Variants in TTLL11 observed in about 807,000 individuals in gnomAD.
TTLL11 encodes tubulin tyrosine ligase like 11.
A neutral mutation model predicts 51.7 loss-of-function variants in TTLL11; 42 were observed. The observed-to-expected ratio is 0.81, with a 90% confidence interval of 0.64 to 1.05. The LOEUF (loss-of-function observed/expected upper bound fraction) is 1.05, where lower values mean the gene tolerates loss of function less well. TTLL11 is among the 50% of genes least tolerant of loss of function. TTLL11 has a pLI of 0.00. For synonymous variants in TTLL11, 381 were observed against 383.5 expected (o/e 0.99, Z 0.08); for missense variants, 799 against 940.4 (o/e 0.85, Z 1.97).
rs1467289553 is a variant in TTLL11, at chr9:121,822,613, A to G, written c.2107T>C (p.Ser703Pro). The G allele has an allele frequency of 6.8e-7, 1 of 1,478,066 alleles. No individual in the cohort carries two copies. Among genetic ancestry groups the G allele is most frequent in the South Asian group, 1.4e-5 (1 of 71,398 alleles). The allele number at this position is 1,478,066 out of a possible 1,614,324, so 91.6% of individuals were successfully genotyped here. ...CAGGACAGGGTATGTCTGGGATGGG[A>G]GAGCTTATTGGCACAGCTGGTGCGG... is the stretch of plus-strand genomic sequence containing the variant. ...PPRTSCANKL[S>P]HPRHTLS The change falls in exon 9 of 9, where the codon TCC becomes CCC. Residue 703 changes from serine (S) to proline (P), a missense_variant. Coordinates refer to ENST00000321582, the MANE Select transcript of TTLL11 (RefSeq NM_001139442.2). This position sits in a 1 kb window ranked among gnomAD's most constrained non-coding sequence, Gnocchi z 5.8.
chr9:121,878,022 T>G (rs541312514), intron 6 of TTLL11, among the ~76,000 whole-genome samples: 1 of 152,328 alleles, frequency 6.6e-6, no homozygotes, highest in Non-Finnish European at 1.5e-5. Context: ...AAAAGTGAGC[T>G]TCAGAGAGGT....
intron 6 of TTLL11, among the ~76,000 whole-genome samples, chr9:121,892,318 C>A (rs1839274703): frequency 6.6e-6 from 1 of 151,876 alleles, no homozygotes; most frequent in African/African-American, 2.4e-5. Flanking sequence ...CTGATAAAGG[C>A]ATACCTAAGA....
At chr9:121,825,612 G>A (rs1836728649) in intron 8 of TTLL11, among the ~76,000 whole-genome samples, 1 of 152,166 alleles carries the variant, frequency 6.6e-6, no homozygotes, top group Admixed American at 6.5e-5. Flanking sequence ...GCCCTTCCCA[G>A]CTGTAATGCA....
At chr9:121,986,567 C>G (rs1271628826) in intron 4 of TTLL11, among the ~76,000 whole-genome samples, 1 of 152,144 alleles carries the variant, frequency 6.6e-6, no homozygotes, top group East Asian at 1.9e-4. Flanking sequence ...AGCTGTGCAT[C>G]CTCCCTGGGA....
chr9:121,828,644 C>T (rs970877549), intron 8 of TTLL11, among the ~76,000 whole-genome samples: 4 of 152,162 alleles, frequency 2.6e-5, no homozygotes, highest in African/African-American at 4.8e-5. Context: ...TACATTTGCT[C>T]ACTATTGTTG....
intron 6 of TTLL11, among the ~76,000 whole-genome samples, chr9:121,899,347 GTGTGTGTA>G (rs1839659088): frequency 1.0e-5 from 1 of 98,224 alleles, no homozygotes; most frequent in South Asian, 4.4e-4. Context: ...CACTCTGTGT[GTGTGTGTA>G]TGTGTGTGTG....
chr9:121,869,916 A>G (rs954229546), intron 7 of TTLL11, among the ~76,000 whole-genome samples: 3 of 152,256 alleles, frequency 2.0e-5, no homozygotes, highest in Non-Finnish European at 4.4e-5. Flanking sequence ...CCAAGCGGCA[A>G]CTGCTAACTT....
chr9:122,091,097 G>C (rs1198859103), intron 1 of TTLL11, among the ~76,000 whole-genome samples: 1 of 152,136 alleles, frequency 6.6e-6, no homozygotes, highest in Non-Finnish European at 1.5e-5. Flanking sequence ...GAACGAACCT[G>C]GGCTGGGATG....
At chr9:121,838,340 C>T (rs1837239500) in intron 8 of TTLL11, among the ~76,000 whole-genome samples, 1 of 152,114 alleles carries the variant, frequency 6.6e-6, no homozygotes, top group Non-Finnish European at 1.5e-5. Context: ...AGCTGTCGTC[C>T]CTTGAAGCCC....
At chr9:121,826,193 T>C (rs1452952738) in intron 8 of TTLL11, among the ~76,000 whole-genome samples, 4 of 103,540 alleles carry the variant, frequency 3.9e-5, no homozygotes, top group African/African-American at 1.8e-4. Flanking sequence ...CCTATATATA[T>C]ATATATATAT....
At chr9:121,955,023 C>T (rs1029291249) in intron 6 of TTLL11, among the ~76,000 whole-genome samples, 3 of 152,156 alleles carry the variant, frequency 2.0e-5, no homozygotes, top group African/African-American at 7.2e-5. Flanking sequence ...CCCAAGACCT[C>T]GACTCCCAGC....
At chr9:121,843,205 C>T (rs1293295048) in intron 8 of TTLL11, among the ~76,000 whole-genome samples, 1 of 151,922 alleles carries the variant, frequency 6.6e-6, no homozygotes, top group Non-Finnish European at 1.5e-5. Context: ...GTAGTCACTC[C>T]CATCTTTACA....
chr9:121,904,411 G>A (rs759443734), intron 6 of TTLL11, among the ~76,000 whole-genome samples: 3 of 152,164 alleles, frequency 2.0e-5, no homozygotes, highest in Non-Finnish European at 4.4e-5. Context: ...TCTTGACCTC[G>A]TGATCTGCCC....
chr9:122,015,812 A>C lies in TTLL11; in HGVS notation c.693+15911T>G, dbSNP rs576285030. Among the ~76,000 whole-genome samples the C allele has an allele frequency of 5.1e-4, 77 of 151,850 alleles. No homozygotes were observed. In the South Asian group the frequency reaches 7.9e-3, roughly 16 times the overall value. ...ATGACTAAACTCAAAAGAGACAAAAAAAAAAAAAAAAGAAAGAAAGTAAAC... is the reference window on the plus strand; with the variant it reads ...ATGACTAAACTCAAAAGAGACAAAACAAAAAAAAAAAGAAAGAAAGTAAAC... On this transcript the variant is annotated intron_variant, in intron 3 of 8. Transcript: ENST00000321582.
At chr9:121,824,020 C>T (rs1836667477) in intron 8 of TTLL11, among the ~76,000 whole-genome samples, 1 of 152,190 alleles carries the variant, frequency 6.6e-6, no homozygotes, top group African/African-American at 2.4e-5. Flanking sequence ...TCTCCATCCT[C>T]CTCTCTGGAC....
chr9:121,930,341 C>T (rs1840916745), intron 6 of TTLL11, among the ~76,000 whole-genome samples: 3 of 152,214 alleles, frequency 2.0e-5, no homozygotes, highest in Admixed American at 2.0e-4. Context: ...AGCACTTGGC[C>T]TCTATTTGAG....
intron 6 of TTLL11, among the ~76,000 whole-genome samples, chr9:121,954,314 C>A (rs1438076100): frequency 1.3e-5 from 2 of 152,180 alleles, no homozygotes; most frequent in Non-Finnish European, 2.9e-5. Context: ...TGCTAAGATT[C>A]AAACTACAGG....
chr9:121,822,352 C>T lies in TTLL11; in HGVS notation c.*235G>A, dbSNP rs546841143. ...TGTCACGTTTTAGATGTCATATGTC[C>T]GATGACTGATGACTCAGAAACAGGG... On this transcript the variant is annotated 3_prime_UTR_variant, in exon 9 of 9. Transcript: ENST00000321582. The surrounding 1 kb of genome is among the most constrained non-coding windows in gnomAD (Gnocchi z 5.8). 1.6e-5 allele frequency: 6 copies of T among 384,182 alleles called. No individual in the cohort carries two copies. The South Asian group carries it at 2.7e-4, about 18-fold the overall frequency. 23.8% of individuals were successfully genotyped at this position (384,182 alleles called of 1,614,324 possible).
intron 3 of TTLL11, among the ~76,000 whole-genome samples, chr9:121,997,619 G>C (rs1246725990): frequency 1.3e-5 from 2 of 152,172 alleles, no homozygotes; most frequent in Non-Finnish European, 2.9e-5. Context: ...TCAGATCTCA[G>C]CTCAGCCACT....
Sources: allele counts gnomAD v4.1 joint callset (sites outside exome capture counted in the v4.1 genomes callset), GRCh38; gene constraint gnomAD v4.1.1; non-coding constraint Gnocchi (gnomAD v3.1); transcripts MANE v1.5; gene names NCBI Gene and HGNC (gene_info 2026-07-23, HGNC 2026-07-21).